The following GLP2R variants were observed in gnomAD, a reference collection of about 807,000 sequenced individuals.
GLP2R encodes the protein glucagon-like peptide 2 receptor.
Under a neutral mutation model 68.2 loss-of-function variants are expected in GLP2R, and 59 were observed. The ratio of observed to expected loss-of-function variants is 0.87; its 90% CI spans 0.70 to 1.07. GLP2R has a LOEUF of 1.07. Among genes scored for constraint, GLP2R ranks in the 50% least tolerant of loss-of-function variants. GLP2R has a pLI of 0.00. For synonymous variants in GLP2R, 270 were observed against 265.4 expected, an observed-to-expected ratio of 1.02 and a Z score of -0.17; for missense variants, 548 against 677.4, an observed-to-expected ratio of 0.81 and a Z score of 2.12.
At chr17:9,855,680 C>G (rs182446895) in intron 5 of GLP2R, among the ~76,000 whole-genome samples, 150 of 152,280 alleles carry the variant, frequency 9.9e-4, no homozygotes, top group Non-Finnish European at 1.6e-3. Flanking sequence ...CATTCTATTC[C>G]TGGGAGGTTA....
intron 4 of GLP2R, among the ~76,000 whole-genome samples, chr17:9,849,128 A>G (rs2066868578): frequency 6.6e-6 from 1 of 151,636 alleles, no homozygotes; most frequent in South Asian, 2.1e-4. Flanking sequence ...TAATATATCC[A>G]TTGATTATAT....
At chr17:9,826,308 A>G (rs1196530160) in intron 1 of GLP2R, 56 bp downstream of exon 1, 6 of 1,310,908 alleles carry the variant, frequency 4.6e-6, no homozygotes, top group South Asian at 1.6e-5. Flanking sequence ...ATTTTTTTTT[A>G]AAGAAGCAAT....
chr17:9,845,011 C>A (rs1352929513), intron 4 of GLP2R, among the ~76,000 whole-genome samples: 1 of 151,554 alleles, frequency 6.6e-6, no homozygotes, highest in African/African-American at 2.4e-5. Flanking sequence ...AATTCTGTGC[C>A]CTAATTTGAA....
chr17:9,859,636 A>AAATATATAT (rs1555571772), intron 6 of GLP2R, among the ~76,000 whole-genome samples: 94 of 143,104 alleles, frequency 6.6e-4, no homozygotes, highest in African/African-American at 2.3e-3. Context: ...ACTAAAAAAA[A>AAATATATAT]ATATATATAT....
chr17:9,877,640 A>T (rs2067152925), intron 10 of GLP2R, among the ~76,000 whole-genome samples: 1 of 152,164 alleles, frequency 6.6e-6, no homozygotes. Flanking sequence ...CTGTAATCCC[A>T]GCACTTTGGG....
At chr17:9,868,923 T>G (rs1295430558) in intron 9 of GLP2R, among the ~76,000 whole-genome samples, 1 of 152,240 alleles carries the variant, frequency 6.6e-6, no homozygotes, top group African/African-American at 2.4e-5. Flanking sequence ...CAACGTTTTC[T>G]CTTTATGATG....
chr17:9,825,989 C>A lies in GLP2R; in HGVS notation c.-75C>A. 8.3e-7 allele frequency: 1 copy of A among 1,208,710 alleles called. No homozygotes were observed. Among genetic ancestry groups the A allele is most frequent in the Non-Finnish European group, 1.2e-6 (1 of 849,454 alleles). The allele number at this position is 1,208,710 out of a possible 1,614,324, so 74.9% of individuals were successfully genotyped here. A position where few individuals can be genotyped will look rare whatever the true frequency, so the allele number is the denominator to read the frequency against. ...TTTCCTCTGTGGACCAAGAGGAATG[C>A]AAGAGGAGGCTGCCTGCGGTGCATC... On this transcript the variant is annotated 5_prime_UTR_variant, in exon 1 of 13. Transcript: ENST00000262441.
chr17:9,840,924 G>A (rs898467196), intron 3 of GLP2R, among the ~76,000 whole-genome samples: 9 of 152,056 alleles, frequency 5.9e-5, no homozygotes, highest in African/African-American at 1.9e-4. Flanking sequence ...AGAGAGTTAC[G>A]GGCCAGATCT....
intron 8 of GLP2R, among the ~76,000 whole-genome samples, 155 bp downstream of exon 8, chr17:9,861,354 A>C (rs974401761): frequency 6.6e-6 from 1 of 152,238 alleles, no homozygotes; most frequent in African/African-American, 2.4e-5. Context: ...AAATAATCAG[A>C]GATCTTATAG....
intron 2 of GLP2R, among the ~76,000 whole-genome samples, chr17:9,835,402 C>A (rs535491456): frequency 6.6e-6 from 1 of 151,992 alleles, no homozygotes; most frequent in African/African-American, 2.4e-5. Flanking sequence ...CCAGGAGGCC[C>A]ATAAGGTGGA....
Position 9,850,972 on chromosome 17 carries a change from C to T in GLP2R, c.505-3523C>T, listed in dbSNP as rs1301478434. On this transcript the variant is annotated intron_variant, in intron 4 of 12. Transcript: ENST00000262441. ...CCTCCCAAAGTGCTGGGATTACAGG[C>T]TTGTGAAGCACCATGCCCAGCTGAT... Among the ~76,000 whole-genome samples the T allele has an allele frequency of 2.0e-5, 3 of 151,978 alleles. No individual in the cohort carries two copies. In the East Asian group the frequency reaches 5.8e-4, roughly 29 times the overall value.
intron 3 of GLP2R, among the ~76,000 whole-genome samples, chr17:9,838,651 T>C (rs963900807): frequency 1.3e-5 from 2 of 152,186 alleles, no homozygotes; most frequent in African/African-American, 4.8e-5. Flanking sequence ...AAATAGGTTT[T>C]GGGCTTCTGG....
intron 3 of GLP2R, among the ~76,000 whole-genome samples, chr17:9,840,889 G>A (rs781368623): frequency 1.3e-5 from 2 of 152,100 alleles, no homozygotes; most frequent in African/African-American, 2.4e-5. Context: ...GTGGTGAAGA[G>A]GGGAGAGAAG....
At position 9,826,155 on chromosome 17, in the gene GLP2R, C is replaced by A; in HGVS notation, c.92C>A (p.Pro31His). 3 of 1,612,944 alleles carry A rather than the reference C, an allele frequency of 1.9e-6. No homozygotes were observed. Among genetic ancestry groups the A allele is most frequent in the Non-Finnish European group, 1.7e-6 (2 of 1,179,524 alleles). Reference sequence around the variant, plus strand: ...GAGCTGCCCATGGGCATCCCTGCCCCCTGGGGGACCAGTCCTCTCTCCTTC... The same window carrying A: ...GAGCTGCCCATGGGCATCCCTGCCCACTGGGGGACCAGTCCTCTCTCCTTC... ...VHELPMGIPA[P>H]WGTSPLSFHR... Residue 31 changes from proline (P) to histidine (H), a missense_variant, in exon 1 of 13, where the codon CCC (proline) becomes CAC (histidine). Coordinates refer to ENST00000262441, the MANE Select transcript of GLP2R (RefSeq NM_004246.3).
At chr17:9,844,164 G>A (rs1002091669) in intron 4 of GLP2R, among the ~76,000 whole-genome samples, 3 of 152,212 alleles carry the variant, frequency 2.0e-5, no homozygotes, top group Non-Finnish European at 4.4e-5. Context: ...GGCAGGTGAG[G>A]TAGGGCCTGA....
chr17:9,837,561 G>A (rs1472945814), intron 3 of GLP2R, among the ~76,000 whole-genome samples: 1 of 152,182 alleles, frequency 6.6e-6, no homozygotes, highest in Non-Finnish European at 1.5e-5. Flanking sequence ...GAAAGGAGGT[G>A]CCAATAGGTT....
chr17:9,850,821 G>T (rs931256942), intron 4 of GLP2R, among the ~76,000 whole-genome samples: 2 of 151,520 alleles, frequency 1.3e-5, no homozygotes, highest in Admixed American at 1.3e-4. Context: ...AGCCTCCTGA[G>T]TAGCTGGGAA....
At chr17:9,869,155 TTTC>T (rs2067068236) in intron 9 of GLP2R, among the ~76,000 whole-genome samples, 1 of 152,162 alleles carries the variant, frequency 6.6e-6, no homozygotes. Context: ...CTGCTGCTGA[TTTC>T]TTTTCTCCAT....
At chr17:9,855,348 GC>G (rs2066925591) in intron 5 of GLP2R, among the ~76,000 whole-genome samples, 1 of 152,170 alleles carries the variant, frequency 6.6e-6, no homozygotes, top group Non-Finnish European at 1.5e-5. Flanking sequence ...AAGCCAGTTG[GC>G]TACACAGCTA....
Sources: gnomAD v4.1 joint callset for allele counts (sites outside exome capture counted in the v4.1 genomes callset) on GRCh38, gnomAD v4.1.1 for gene constraint, MANE v1.5 for transcripts, NCBI Gene and HGNC (gene_info 2026-07-23, HGNC 2026-07-21) for gene names.